Variants in RUFY1 observed in about 807,000 individuals in gnomAD.
RUFY1 encodes RUN and FYVE domain containing 1.
In RUFY1, 54 loss-of-function variants were observed where a neutral mutation model predicts 94.6. The observed-to-expected ratio is 0.57, with a 90% confidence interval of 0.46 to 0.72. The LOEUF is 0.72. Among genes scored for constraint, RUFY1 ranks in the 30% least tolerant of loss-of-function variants. The pLI is 0.00. For missense variants in RUFY1, 883 were observed against 883.9 expected, an observed-to-expected ratio of 1.00 and a Z score of 0.01; for synonymous variants, 396 against 347.3, an observed-to-expected ratio of 1.14 and a Z score of -1.56.
At chr5:179,598,364 A>G (rs574726990) in intron 13 of RUFY1, 62 of 283,436 alleles carry the variant, frequency 2.2e-4, no homozygotes, top group Middle Eastern at 1.2e-3. Context: ...CCCTGTCTCA[A>G]AAAAAGAAAA....
intron 4 of RUFY1, 97 bp downstream of exon 4, chr5:179,567,659 G>A: frequency 1.2e-6 from 1 of 801,150 alleles, no homozygotes; most frequent in Admixed American, 2.2e-5. Flanking sequence ...AGCACTTTGG[G>A]AGGCCAAGAT....
chr5:179,581,422 C>T (rs974308088), intron 7 of RUFY1, among the ~76,000 whole-genome samples: 8 of 150,692 alleles, frequency 5.3e-5, no homozygotes, highest in African/African-American at 1.2e-4. Context: ...TAGTGATCAC[C>T]GGCATCTTTA....
rs147351008 is a variant in RUFY1, at chr5:179,582,905, C to T, written c.956+1893C>T. Among the ~76,000 whole-genome samples the T allele has an allele frequency of 5.1e-3, 782 of 152,208 alleles. 4 individuals are homozygous for T. Among genetic ancestry groups the T allele is most frequent in the African/African-American group, 0.017 (723 of 41,542 alleles). On this transcript the variant is annotated intron_variant, in intron 7 of 17. Coordinates refer to ENST00000319449, the MANE Select transcript of RUFY1 (RefSeq NM_025158.5). Reference sequence around the variant, plus strand: ...CTGAAATTTTATAGTTTTCTTTCTCCGCCATCATATCAGGGTTATGTAGCA... The same window carrying T: ...CTGAAATTTTATAGTTTTCTTTCTCTGCCATCATATCAGGGTTATGTAGCA...
At chr5:179,562,476 GAGAGGC>G in intron 2 of RUFY1, 65 bp from the exon 3 acceptor site, 1 of 821,472 alleles carries the variant, frequency 1.2e-6, no homozygotes, top group Non-Finnish European at 2.1e-6. Context: ...CTTTTGTGGG[GAGAGGC>G]TGTGGGTCCC....
intron 5 of RUFY1, among the ~76,000 whole-genome samples, chr5:179,574,882 T>C (rs1746441560): frequency 6.6e-6 from 1 of 152,126 alleles, no homozygotes; most frequent in African/African-American, 2.4e-5. Flanking sequence ...TGGGTATTAA[T>C]TCTTTCTCAT....
At chr5:179,563,615 G>A (rs992749021) in intron 3 of RUFY1, among the ~76,000 whole-genome samples, 19 of 151,810 alleles carry the variant, frequency 1.3e-4, no homozygotes, top group African/African-American at 4.1e-4. Flanking sequence ...CTGCCTGCCC[G>A]GCCTACATCG....
chr5:179,604,393 T>G (rs1766809358), intron 15 of RUFY1, among the ~76,000 whole-genome samples: 1 of 152,178 alleles, frequency 6.6e-6, no homozygotes, highest in Non-Finnish European at 1.5e-5. Context: ...TTCCCAGAGT[T>G]CTTGTATGTT....
At chr5:179,586,049 ACTGCAG>A in intron 8 of RUFY1, among the ~76,000 whole-genome samples, 184 bp downstream of exon 8, 1 of 152,186 alleles carries the variant, frequency 6.6e-6, no homozygotes, top group Non-Finnish European at 1.5e-5. Context: ...CCAGTGAGAC[ACTGCAG>A]CGGATCACGA....
Position 179,605,883 on chromosome 5 carries a change from C to T in RUFY1, c.1864C>T (p.Leu622=). The change falls in exon 16 of 18, where the codon CTG becomes TTG. Residue 622 remains leucine, a synonymous_variant. Coordinates refer to ENST00000319449, the MANE Select transcript of RUFY1 (RefSeq NM_025158.5). ...CCTTTTTTTTTTCCTTAGGTCCAAG[C>T]TGAAGATGGAAGATATAAAAGAAGT... is the stretch of plus-strand genomic sequence containing the variant. ...EMGLHLSQSK[L]KMEDIKEVNQ... 1.2e-6 allele frequency: 2 copies of T among 1,605,188 alleles called. No individual in the cohort carries two copies. Among genetic ancestry groups the T allele is most frequent in the Non-Finnish European group, 1.7e-6 (2 of 1,175,604 alleles).
intron 12 of RUFY1, among the ~76,000 whole-genome samples, chr5:179,595,164 G>A (rs1765495810): frequency 6.6e-6 from 1 of 151,336 alleles, no homozygotes; most frequent in Non-Finnish European, 1.5e-5. Context: ...CCAACATGGT[G>A]AAACCCTGTC....
At chr5:179,581,701 G>A (rs1017065779) in intron 7 of RUFY1, among the ~76,000 whole-genome samples, 2 of 105,450 alleles carry the variant, frequency 1.9e-5, no homozygotes, top group Admixed American at 9.6e-5. Context: ...TTTTTTTTTT[G>A]ACAGGGTCTC....
At chr5:179,577,552 A>G (rs1193456101) in intron 6 of RUFY1, among the ~76,000 whole-genome samples, 1 of 137,532 alleles carries the variant, frequency 7.3e-6, no homozygotes, top group African/African-American at 2.7e-5. Flanking sequence ...GCCGAAGACT[A>G]GCGGAGGCTC....
intron 4 of RUFY1, 53 bp from the exon 5 acceptor site, chr5:179,569,249 G>C: frequency 1.9e-6 from 3 of 1,612,012 alleles, no homozygotes; most frequent in Non-Finnish European, 2.5e-6. Flanking sequence ...GGGAAGGAGT[G>C]GGGATGGTGA....
chr5:179,575,855 C>T (rs564529473), intron 5 of RUFY1, among the ~76,000 whole-genome samples: 26 of 152,212 alleles, frequency 1.7e-4, no homozygotes, highest in Admixed American at 1.6e-3. Context: ...GATCTCAGCT[C>T]ACTGCAGCCT....
At chr5:179,599,639 A>G (rs1766114003) in intron 14 of RUFY1, 1 of 152,334 alleles carries the variant, frequency 6.6e-6, no homozygotes, top group Admixed American at 6.5e-5. Flanking sequence ...ATTTGCCCTA[A>G]TGTAAAATCA....
rs1767538234 is a variant in RUFY1, at chr5:179,609,745, C to T, written c.*226C>T. 6.4e-6 allele frequency: 3 copies of T among 470,324 alleles called. No homozygotes were observed. Among genetic ancestry groups the T allele is most frequent in the South Asian group, 7.6e-5 (2 of 26,208 alleles). 29.1% of individuals were successfully genotyped at this position (470,324 alleles called of 1,614,324 possible). A position where few individuals can be genotyped will look rare whatever the true frequency, so the allele number is the denominator to read the frequency against. On this transcript the variant is annotated 3_prime_UTR_variant, in exon 18 of 18. Coordinates refer to ENST00000319449, the MANE Select transcript of RUFY1 (RefSeq NM_025158.5). ...TGGAAACTTCCATCTTACTTGGTTA[C>T]ATCACGGCTCTGGTTCAGATACAAC...
intron 6 of RUFY1, among the ~76,000 whole-genome samples, chr5:179,580,433 G>C (rs926056896): frequency 6.6e-6 from 1 of 151,462 alleles, no homozygotes. Context: ...TAGTAGAGAC[G>C]GGGTTTCACC....
chr5:179,580,246 T>TGTGTGTGTGTG (rs1554118967), intron 6 of RUFY1, among the ~76,000 whole-genome samples: 1 of 104,208 alleles, frequency 9.6e-6, no homozygotes. Context: ...TGTGTGTATA[T>TGTGTGTGTGTG]TTTTTTTTTT....
chr5:179,591,801 A>G, intron 10 of RUFY1, 60 bp downstream of exon 10: 1 of 986,830 alleles, frequency 1.0e-6, no homozygotes, highest in South Asian at 1.6e-5. Context: ...AATTCTGTCA[A>G]CACTTTTCAT....
Sources: gnomAD v4.1 joint callset for allele counts (sites outside exome capture counted in the v4.1 genomes callset) on GRCh38, gnomAD v4.1.1 for gene constraint, MANE v1.5 for transcripts, NCBI Gene and HGNC (gene_info 2026-07-23, HGNC 2026-07-21) for gene names.